Variants in IRF2 observed in about 807,000 individuals in gnomAD.
IRF2 encodes interferon regulatory factor 2.
In IRF2, 15 loss-of-function variants were observed where a neutral mutation model predicts 40.6. That is an observed-to-expected ratio of 0.37 (90% CI 0.25 to 0.57). The LOEUF (loss-of-function observed/expected upper bound fraction) is 0.57, where lower values mean the gene tolerates loss of function less well. Ranked by LOEUF, IRF2 falls within the 20% of genes least tolerant of loss-of-function variation. The pLI is 0.77. For synonymous variants in IRF2, 151 were observed against 165.5 expected, an observed-to-expected ratio of 0.91 and a Z score of 0.67; for missense variants, 317 against 455.7, an observed-to-expected ratio of 0.70 and a Z score of 2.77.
chr4:184,431,402 C>G (rs537562881), intron 1 of IRF2, among the ~76,000 whole-genome samples: 10 of 152,184 alleles, frequency 6.6e-5, no homozygotes, highest in Non-Finnish European at 1.2e-4. Flanking sequence ...AGGTACCATG[C>G]CCCATGAAGA....
chr4:184,392,217 C>T (rs1736283901), intron 7 of IRF2, among the ~76,000 whole-genome samples: 1 of 152,208 alleles, frequency 6.6e-6, no homozygotes, highest in Non-Finnish European at 1.5e-5. Context: ...CTGAGCCATT[C>T]GTTTTACAGA....
At chr4:184,404,878 A>G (rs1736794879) in intron 6 of IRF2, among the ~76,000 whole-genome samples, 1 of 152,186 alleles carries the variant, frequency 6.6e-6, no homozygotes, top group East Asian at 1.9e-4. Context: ...GGCAGCGTGC[A>G]CCTTGCACCC....
intron 5 of IRF2, among the ~76,000 whole-genome samples, chr4:184,411,557 C>G (rs917755160): frequency 2.8e-4 from 43 of 152,166 alleles, no homozygotes; most frequent in Non-Finnish European, 1.0e-4. Context: ...ACAGACAGTA[C>G]AGTCAATGGC....
chr4:184,415,522 T>A (rs978967982), intron 5 of IRF2, among the ~76,000 whole-genome samples: 1 of 152,238 alleles, frequency 6.6e-6, no homozygotes, highest in Non-Finnish European at 1.5e-5. Flanking sequence ...ACTACTAAGA[T>A]GTACATTTCC....
intron 7 of IRF2, among the ~76,000 whole-genome samples, chr4:184,391,583 T>A (rs1045465231): frequency 2.0e-5 from 3 of 152,156 alleles, no homozygotes; most frequent in Non-Finnish European, 4.4e-5. Flanking sequence ...CAAAACCACA[T>A]GAGCTTGGAA....
intron 1 of IRF2, among the ~76,000 whole-genome samples, chr4:184,438,557 T>C (rs1224653729): frequency 2.0e-5 from 3 of 152,138 alleles, no homozygotes; most frequent in Non-Finnish European, 4.4e-5. Context: ...ACAGTGTGTG[T>C]GCAGGTGTGT....
rs1051866753 is a variant in IRF2, at chr4:184,387,746, T to G, written c.*1012A>C. 19 of 152,610 alleles carry G rather than the reference T, an allele frequency of 1.2e-4. No homozygotes were observed. Among genetic ancestry groups the G allele is most frequent in the African/African-American group, 4.3e-4 (18 of 41,426 alleles). The allele number at this position is 152,610 out of a possible 1,614,324, so 9.5% of individuals were successfully genotyped here. On this transcript the variant is annotated 3_prime_UTR_variant, in exon 9 of 9. Coordinates refer to ENST00000393593, the MANE Select transcript of IRF2 (RefSeq NM_002199.4). ...CTTAAAAATTTAACTATATATCATA[T>G]TCATTTATTATCAATCCACAGGAAA...
chr4:184,398,655 CA>C (rs755314172), intron 7 of IRF2, among the ~76,000 whole-genome samples: 3,259 of 146,974 alleles, frequency 0.022, 116 homozygotes, highest in African/African-American at 0.077. Flanking sequence ...GACTCTGTCT[CA>C]AAAAAAAAAA....
intron 1 of IRF2, 130 bp from the exon 2 acceptor site, chr4:184,429,200 G>A (rs34556548): frequency 0.052 from 32,929 of 635,468 alleles, 1,526 homozygotes; most frequent in Non-Finnish European, 0.062. Flanking sequence ...GGGCTGGGGG[G>A]TCGGTGTACT....
At chr4:184,398,872 C>T (rs1323594267) in intron 7 of IRF2, 43 bp downstream of exon 7, 18 of 1,540,770 alleles carry the variant, frequency 1.2e-5, no homozygotes, top group Admixed American at 4.0e-5. Flanking sequence ...AAGGACTGCG[C>T]GGCCGGTTCC....
chr4:184,434,074 T>C (rs1229165693), intron 1 of IRF2, among the ~76,000 whole-genome samples: 1 of 152,232 alleles, frequency 6.6e-6, no homozygotes, highest in Non-Finnish European at 1.5e-5. Flanking sequence ...ATGTATCGTC[T>C]AGCTTCCATT....
At chr4:184,422,663 G>A (rs545602303) in intron 2 of IRF2, among the ~76,000 whole-genome samples, 2 of 152,300 alleles carry the variant, frequency 1.3e-5, no homozygotes, top group East Asian at 3.9e-4. Context: ...TATGCTGGAT[G>A]AAAGAAGCCA....
rs35274774 is a variant in IRF2 at position 184,416,328 on chromosome 4, CAA to C, written c.411+1837_411+1838del. ...GTAAGACCTTGTCTCAAAAAAAAAA[CAA>C]AAAAAAAAAAAAACGAAAAAAAAAA... is the stretch of plus-strand genomic sequence containing the variant. On this transcript the variant is annotated intron_variant, in intron 5 of 8. Coordinates refer to ENST00000393593, the MANE Select transcript of IRF2 (RefSeq NM_002199.4). Among the ~76,000 whole-genome samples, 520 of 100,176 alleles carry C rather than the reference CAA, an allele frequency of 5.2e-3. 3 individuals are homozygous for C. Among genetic ancestry groups the C allele is most frequent in the African/African-American group, 0.018 (457 of 25,466 alleles). 65.7% of individuals were successfully genotyped at this position (100,176 alleles called of 152,430 possible). A position where few individuals can be genotyped will look rare whatever the true frequency, so the allele number is the denominator to read the frequency against.
intron 1 of IRF2, among the ~76,000 whole-genome samples, chr4:184,436,649 T>C (rs922222688): frequency 6.6e-5 from 10 of 152,120 alleles, no homozygotes; most frequent in African/African-American, 2.4e-4. Flanking sequence ...GGGGAGGTGC[T>C]GTCTAGGCAG....
intron 1 of IRF2, among the ~76,000 whole-genome samples, chr4:184,470,454 G>A (rs1739473437): frequency 6.6e-6 from 1 of 152,138 alleles, no homozygotes; most frequent in Non-Finnish European, 1.5e-5. Flanking sequence ...GCTGAGGTGG[G>A]CAGATCACCT....
At chr4:184,396,940 TAAC>T (rs1475426333) in intron 7 of IRF2, among the ~76,000 whole-genome samples, 1 of 152,030 alleles carries the variant, frequency 6.6e-6, no homozygotes, top group Non-Finnish European at 1.5e-5. Context: ...CTATTTCTAT[TAAC>T]AACAACAACA....
chr4:184,447,505 G>A (rs374949478), intron 1 of IRF2, among the ~76,000 whole-genome samples: 3 of 152,182 alleles, frequency 2.0e-5, no homozygotes, highest in Non-Finnish European at 2.9e-5. Flanking sequence ...TGAGTAAAAG[G>A]CTGGTGAAAA....
At chr4:184,423,290 T>G (rs1456121194) in intron 2 of IRF2, among the ~76,000 whole-genome samples, 1 of 152,204 alleles carries the variant, frequency 6.6e-6, no homozygotes, top group Admixed American at 6.5e-5. Flanking sequence ...CCACCATTTG[T>G]ACGTGTGTGC....
At chr4:184,409,767 G>A (rs987343334) in intron 5 of IRF2, among the ~76,000 whole-genome samples, 3 of 152,036 alleles carry the variant, frequency 2.0e-5, no homozygotes, top group Admixed American at 6.6e-5. Context: ...GGTGGTGCAC[G>A]CCTCTTGTCC....
Sources: gnomAD v4.1 joint callset for allele counts (sites outside exome capture counted in the v4.1 genomes callset) on GRCh38, gnomAD v4.1.1 for gene constraint, MANE v1.5 for transcripts, NCBI Gene and HGNC (gene_info 2026-07-23, HGNC 2026-07-21) for gene names.